The following CPVL variants were observed in gnomAD, a reference collection of about 807,000 sequenced individuals.
The protein encoded by CPVL is probable serine carboxypeptidase CPVL.
In CPVL, 51 loss-of-function variants were observed where a neutral mutation model predicts 63.7. The ratio of observed to expected loss-of-function variants is 0.80; its 90% CI spans 0.64 to 1.01. The LOEUF (loss-of-function observed/expected upper bound fraction) is 1.01, where lower values mean the gene tolerates loss of function less well. Among genes scored for constraint, CPVL ranks in the 50% least tolerant of loss-of-function variants. The pLI is 0.00. For synonymous variants in CPVL, 195 were observed against 206.0 expected, an observed-to-expected ratio of 0.95 and a Z score of 0.46; for missense variants, 530 against 573.1, an observed-to-expected ratio of 0.92 and a Z score of 0.77.
Position 29,095,152 on chromosome 7 carries a change from CA to C in CPVL, c.404-11del, listed in dbSNP as rs1159548291. The stretch of plus-strand genomic sequence containing the variant: ...AAGTCTCTGTCACGCACTGTGAAAA[CA>C]AAGAAGAGGGGTGAGATAGAGTCGT... On this transcript the variant is annotated splice_polypyrimidine_tract_variant and intron_variant, in intron 4 of 12. Transcript: ENST00000265394. The C allele has an allele frequency of 6.2e-7, 1 of 1,612,476 alleles. No homozygotes were observed. The highest frequency in any genetic ancestry group is 8.5e-7 in the Non-Finnish European group (1 of 1,178,746).
intron 11 of CPVL, among the ~76,000 whole-genome samples, chr7:29,031,573 T>G (rs548889567): frequency 2.0e-5 from 3 of 152,268 alleles, no homozygotes; most frequent in African/African-American, 7.2e-5. Flanking sequence ...AGAAAATCAG[T>G]AGCCAATTTT....
chr7:29,127,579 A>G (rs1790167819), intron 1 of CPVL: 1 of 152,240 alleles, frequency 6.6e-6, no homozygotes, highest in South Asian at 2.1e-4. Flanking sequence ...ACCTTGGCAC[A>G]GTGAGTATTT....
chr7:29,112,239 T>G (rs117226043), intron 3 of CPVL, among the ~76,000 whole-genome samples: 1 of 152,184 alleles, frequency 6.6e-6, no homozygotes, highest in Non-Finnish European at 1.5e-5. Flanking sequence ...GGGTACTGAG[T>G]GCATGAAGGA....
chr7:29,039,468 C>A (rs1379819028), intron 11 of CPVL, among the ~76,000 whole-genome samples: 1 of 152,160 alleles, frequency 6.6e-6, no homozygotes, highest in Admixed American at 6.5e-5. Context: ...TTAAGTCAGG[C>A]AGTGCCATGA....
chr7:29,037,790 C>T (rs1265222223), intron 11 of CPVL, among the ~76,000 whole-genome samples: 1 of 152,002 alleles, frequency 6.6e-6, no homozygotes, highest in African/African-American at 2.4e-5. Flanking sequence ...TAAAAGTAGC[C>T]GACACTTTCA....
At position 29,110,653 on chromosome 7, in the gene CPVL, T is replaced by C. The variant is rs540063458; in HGVS notation, c.288+2051A>G. On this transcript the variant is annotated intron_variant, in intron 3 of 12. Transcript: ENST00000265394. Reference sequence around the variant, plus strand: ...TAGGCAAATGTTCAAGTATCCATTTTGTACAGAATAATAACTCCCTAAAGA... The same window carrying C: ...TAGGCAAATGTTCAAGTATCCATTTCGTACAGAATAATAACTCCCTAAAGA... Among the ~76,000 whole-genome samples, 4 of 152,362 alleles carry C rather than the reference T, an allele frequency of 2.6e-5. 2 individuals carry two copies. The highest frequency in any genetic ancestry group is 9.6e-5 in the African/African-American group (4 of 41,582).
At chr7:29,169,513 G>A (rs1458559620) in intron 5 of CPVL, among the ~76,000 whole-genome samples, 1 of 152,046 alleles carries the variant, frequency 6.6e-6, no homozygotes, top group African/African-American at 2.4e-5. Flanking sequence ...TTTTGTTATT[G>A]TTATATTATC....
chr7:28,998,120 G>A (rs904491490), intron 12 of CPVL, among the ~76,000 whole-genome samples: 8 of 152,106 alleles, frequency 5.3e-5, no homozygotes, highest in Non-Finnish European at 8.8e-5. Context: ...TTGCCGCCCC[G>A]CAATCCCAGG....
intron 1 of CPVL, among the ~76,000 whole-genome samples, chr7:29,189,026 C>T (rs1364646984): frequency 6.7e-6 from 1 of 150,104 alleles, no homozygotes; most frequent in Non-Finnish European, 1.5e-5. Context: ...TCTCAGCTCA[C>T]TGCAACCTCT....
At chr7:29,136,437 AT>A (rs1392326811) in intron 1 of CPVL, among the ~76,000 whole-genome samples, 1 of 152,228 alleles carries the variant, frequency 6.6e-6, no homozygotes, top group African/African-American at 2.4e-5. Flanking sequence ...TTATATCACC[AT>A]TTGGACAGGT....
intron 1 of CPVL, among the ~76,000 whole-genome samples, chr7:29,134,060 G>A (rs1379760566): frequency 6.6e-6 from 1 of 152,152 alleles, no homozygotes; most frequent in Non-Finnish European, 1.5e-5. Flanking sequence ...AGACACTCTA[G>A]ACTTGGGAAT....
intron 1 of CPVL, among the ~76,000 whole-genome samples, chr7:29,141,643 G>A (rs245868): frequency 6.6e-6 from 1 of 151,632 alleles, no homozygotes; most frequent in South Asian, 2.1e-4. Flanking sequence ...TTGGCCGGGC[G>A]TTGTGGCTCA....
intron 12 of CPVL, among the ~76,000 whole-genome samples, chr7:29,016,350 CAAAA>C (rs781649021): frequency 7.9e-6 from 1 of 126,812 alleles, no homozygotes; most frequent in Non-Finnish European, 1.7e-5. Context: ...GACTCCATAT[CAAAA>C]AAAAAAAAAA....
At chr7:29,164,908 A>G (rs539827000) in intron 5 of CPVL, among the ~76,000 whole-genome samples, 159 of 151,974 alleles carry the variant, frequency 1.0e-3, no homozygotes, top group Non-Finnish European at 1.8e-3. Context: ...ATCTTTGTAT[A>G]TCTATCATTA....
intron 7 of CPVL, among the ~76,000 whole-genome samples, chr7:29,082,878 AC>A (rs1784869370): frequency 6.6e-6 from 1 of 152,212 alleles, no homozygotes; most frequent in Admixed American, 6.5e-5. Flanking sequence ...CAACATCACC[AC>A]ATTATTTCCA....
intron 5 of CPVL, among the ~76,000 whole-genome samples, chr7:29,157,159 T>C (rs1414849184): frequency 1.3e-5 from 2 of 152,130 alleles, no homozygotes; most frequent in African/African-American, 4.8e-5. Flanking sequence ...AGCTGTCTTT[T>C]CTCCCACTTA....
At chr7:29,067,989 AATT>A (rs1783303077) in intron 9 of CPVL, among the ~76,000 whole-genome samples, 1 of 151,538 alleles carries the variant, frequency 6.6e-6, no homozygotes, top group Non-Finnish European at 1.5e-5. Context: ...AAAATAGACT[AATT>A]ATTATATTCA....
chr7:29,086,438 T>A, intron 7 of CPVL, 46 bp downstream of exon 7: 1 of 1,318,488 alleles, frequency 7.6e-7, no homozygotes, highest in Non-Finnish European at 1.1e-6. Flanking sequence ...TATATGTCAG[T>A]TCTGGTGATG....
chr7:29,091,549 G>A (rs913266037), intron 6 of CPVL, among the ~76,000 whole-genome samples: 1 of 150,280 alleles, frequency 6.7e-6, no homozygotes, highest in Non-Finnish European at 1.5e-5. Context: ...GTGCTGGGGG[G>A]AACACCCCGT....
Sources: gnomAD v4.1 joint callset for allele counts (sites outside exome capture counted in the v4.1 genomes callset) on GRCh38, gnomAD v4.1.1 for gene constraint, MANE v1.5 for transcripts, NCBI Gene and HGNC (gene_info 2026-07-23, HGNC 2026-07-21) for gene names.